Variants in RGS5 observed in about 807,000 individuals in gnomAD.
RGS5 encodes the protein regulator of G protein signaling 5, also known as regulator of G-protein signalling 5.
A neutral mutation model predicts 18.9 loss-of-function variants in RGS5; 20 were observed. The ratio of observed to expected loss-of-function variants is 1.06; its 90% CI spans 0.74 to 1.54. RGS5 has a LOEUF of 1.54. RGS5 is among the 40% of genes most tolerant of loss of function. The pLI, the probability that RGS5 is intolerant of heterozygous loss-of-function variation, is 0.00. For synonymous variants in RGS5, 57 were observed against 76.2 expected, an observed-to-expected ratio of 0.75 and a Z score of 1.31; for missense variants, 201 against 211.8, an observed-to-expected ratio of 0.95 and a Z score of 0.32.
At chr1:163,155,519 C>T (rs1300831482) in intron 3 of RGS5, among the ~76,000 whole-genome samples, 2 of 152,104 alleles carry the variant, frequency 1.3e-5, no homozygotes, top group East Asian at 3.9e-4. Context: ...GGCTTTTGGG[C>T]ACTCTCTAGA....
chr1:163,195,044 A>G (rs1571274684), intron 1 of RGS5, among the ~76,000 whole-genome samples: 1 of 152,176 alleles, frequency 6.6e-6, no homozygotes, highest in Non-Finnish European at 1.5e-5. Context: ...TCCTTAAAGA[A>G]CTAAAAGTAG....
At chr1:163,191,409 C>T (rs932561529) in intron 1 of RGS5, among the ~76,000 whole-genome samples, 2 of 152,014 alleles carry the variant, frequency 1.3e-5, no homozygotes, top group Admixed American at 6.5e-5. Context: ...AAGGAACACA[C>T]AGTATAGCCT....
At chr1:163,274,314 G>T (rs975251791) in intron 2 of RGS5, among the ~76,000 whole-genome samples, 3 of 152,148 alleles carry the variant, frequency 2.0e-5, no homozygotes, top group Non-Finnish European at 1.5e-5. Context: ...GAAGGGAGCT[G>T]GAGATTGAAT....
chr1:163,295,636 CCT>C (rs1649403374), intron 2 of RGS5, among the ~76,000 whole-genome samples: 1 of 152,202 alleles, frequency 6.6e-6, no homozygotes, highest in Non-Finnish European at 1.5e-5. Flanking sequence ...CTACGGTCTT[CCT>C]CTCTCTTTCC....
At chr1:163,223,132 A>G (rs1647266082) in intron 2 of RGS5, among the ~76,000 whole-genome samples, 1 of 152,324 alleles carries the variant, frequency 6.6e-6, no homozygotes, top group African/African-American at 2.4e-5. Flanking sequence ...GACATGAGCC[A>G]CTGCGCCCAG....
intron 1 of RGS5, among the ~76,000 whole-genome samples, chr1:163,311,715 G>GC (rs1414320339): frequency 6.6e-6 from 1 of 152,030 alleles, no homozygotes; most frequent in Non-Finnish European, 1.5e-5. Flanking sequence ...GGTTCTTGGT[G>GC]CCCCAAAACA....
chr1:163,200,725 T>C (rs949188478), intron 1 of RGS5, among the ~76,000 whole-genome samples: 5 of 152,154 alleles, frequency 3.3e-5, no homozygotes, highest in African/African-American at 1.2e-4. Flanking sequence ...AATAATTGCG[T>C]ATTCTACCAC....
At chr1:163,187,129 T>A (rs1659123737) in intron 1 of RGS5, among the ~76,000 whole-genome samples, 1 of 152,102 alleles carries the variant, frequency 6.6e-6, no homozygotes. Flanking sequence ...TTCAGCATAA[T>A]TACAAACATC....
intron 2 of RGS5, among the ~76,000 whole-genome samples, chr1:163,285,303 C>A (rs1649114191): frequency 6.6e-6 from 1 of 152,092 alleles, no homozygotes; most frequent in Non-Finnish European, 1.5e-5. Flanking sequence ...GCCTGTAATC[C>A]CAGCACTTTG....
chr1:163,294,184 C>A (rs1045559657), intron 2 of RGS5, among the ~76,000 whole-genome samples: 9 of 152,188 alleles, frequency 5.9e-5, no homozygotes, highest in African/African-American at 2.2e-4. Flanking sequence ...GGACTCCAAC[C>A]CCCCATTTCC....
chr1:163,152,046 A>G (rs1657394805), intron 4 of RGS5, among the ~76,000 whole-genome samples: 1 of 152,146 alleles, frequency 6.6e-6, no homozygotes, highest in Non-Finnish European at 1.5e-5. Context: ...TTTTGGCTGT[A>G]TTTTGACTGA....
At chr1:163,169,076 T>C (rs1201992194) in intron 1 of RGS5, among the ~76,000 whole-genome samples, 2 of 148,796 alleles carry the variant, frequency 1.3e-5, no homozygotes, top group African/African-American at 2.5e-5. Context: ...TGTGTTCTCA[T>C]TGTTCAATTC....
intron 1 of RGS5, among the ~76,000 whole-genome samples, chr1:163,208,854 T>A (rs937708775): frequency 2.0e-5 from 3 of 152,098 alleles, no homozygotes; most frequent in African/African-American, 4.8e-5. Flanking sequence ...GAGACTGGCA[T>A]GCCTCATTCT....
Position 163,152,548 on chromosome 1 carries a change from A to G in RGS5, c.384+2T>C, listed in dbSNP as rs1181401434. ...AACTGACCCACCTACCCAGAGACCA[A>G]CCTCTTTAGGAGCCTCCGTTTGAAT... On this transcript the variant is annotated splice_donor_variant, in intron 4 of 4. Coordinates refer to ENST00000313961, the MANE Select transcript of RGS5 (RefSeq NM_003617.4). LOFTEE classifies it high-confidence loss of function. 2.5e-6 allele frequency: 4 copies of G among 1,608,202 alleles called. No homozygotes were observed. The highest frequency in any genetic ancestry group is 2.2e-5 in the South Asian group (2 of 89,636).
upstream of RGS5, among the ~76,000 whole-genome samples, chr1:163,217,909 C>T (rs978120864): frequency 7.2e-5 from 11 of 152,002 alleles, no homozygotes; most frequent in African/African-American, 2.7e-4. Flanking sequence ...TTTTAAATCG[C>T]AGAACTGATT....
intron 1 of RGS5, among the ~76,000 whole-genome samples, chr1:163,314,348 T>C (rs768491972): frequency 6.6e-6 from 1 of 152,114 alleles, no homozygotes; most frequent in Non-Finnish European, 1.5e-5. Context: ...TATTACTTGG[T>C]ACTTATATAG....
chr1:163,206,946 GTTAT>G (rs999847285), upstream of RGS5: 3 of 152,184 alleles, frequency 2.0e-5, no homozygotes, highest in South Asian at 2.1e-4. Flanking sequence ...TGCATCTTTT[GTTAT>G]TTAAGATTAT....
intron 2 of RGS5, among the ~76,000 whole-genome samples, chr1:163,166,022 G>A (rs558932861): frequency 6.6e-5 from 10 of 152,272 alleles, no homozygotes; most frequent in Middle Eastern, 3.4e-3. Flanking sequence ...GTTGAAGCTG[G>A]TTAAGAAGGA....
intron 1 of RGS5, chr1:163,217,422 A>G (rs1239919358): frequency 6.4e-6 from 8 of 1,247,350 alleles, no homozygotes; most frequent in Non-Finnish European, 8.4e-6. Context: ...GGGCCCTAAA[A>G]TAGAGCACTA....
Sources: gnomAD v4.1 joint callset for allele counts (sites outside exome capture counted in the v4.1 genomes callset) on GRCh38, gnomAD v4.1.1 for gene constraint, MANE v1.5 for transcripts, NCBI Gene and HGNC (gene_info 2026-07-23, HGNC 2026-07-21) for gene names.